TGFB2: variants seen among roughly 807,000 people sequenced by gnomAD.
TGFB2 encodes the protein transforming growth factor beta-2 proprotein.
TGFB2 carries 13 observed loss-of-function variants against 42.7 expected under a neutral mutation model. That is an observed-to-expected ratio of 0.30 (90% CI 0.20 to 0.48). The LOEUF (loss-of-function observed/expected upper bound fraction) is 0.48, where lower values mean the gene tolerates loss of function less well. TGFB2 is among the 20% of genes least tolerant of loss of function. TGFB2 has a pLI of 0.99. For missense variants in TGFB2, 390 were observed against 517.5 expected, an observed-to-expected ratio of 0.75 and a Z score of 2.39; for synonymous variants, 193 against 193.6, an observed-to-expected ratio of 1.00 and a Z score of 0.03.
At chr1:218,433,983 A>G in intron 2 of TGFB2, 99 bp from the exon 3 acceptor site, 2 of 1,504,350 alleles carry the variant, frequency 1.3e-6, no homozygotes, top group South Asian at 2.5e-5. Flanking sequence ...CAGTAGAGCT[A>G]AATTTAGGTA....
At chr1:218,421,653 T>TA (rs147702639) in intron 2 of TGFB2, among the ~76,000 whole-genome samples, 2 of 151,880 alleles carry the variant, frequency 1.3e-5, no homozygotes, top group Non-Finnish European at 2.9e-5. Flanking sequence ...CCCCTACACA[T>TA]AAAAAAAAGA....
intron 1 of TGFB2, among the ~76,000 whole-genome samples, chr1:218,382,369 A>C (rs1657993629): frequency 6.6e-6 from 1 of 152,170 alleles, no homozygotes; most frequent in African/African-American, 2.4e-5. Context: ...GAAAATTATA[A>C]AAGCAAAGGT....
intron 4 of TGFB2, 45 bp from the exon 5 acceptor site, chr1:218,435,925 T>G (rs1162865277): frequency 3.2e-6 from 5 of 1,548,972 alleles, no homozygotes; most frequent in Non-Finnish European, 4.4e-6. Context: ...CTATATTTGA[T>G]GAAGGTGAAG....
At chr1:218,429,137 C>A (rs923136995) in intron 2 of TGFB2, among the ~76,000 whole-genome samples, 1 of 151,998 alleles carries the variant, frequency 6.6e-6, no homozygotes, top group Non-Finnish European at 1.5e-5. Flanking sequence ...TGTGCCACAA[C>A]ACCCAGCTAA....
At chr1:218,418,534 A>G (rs910588091) in intron 2 of TGFB2, among the ~76,000 whole-genome samples, 4 of 152,184 alleles carry the variant, frequency 2.6e-5, no homozygotes, top group Non-Finnish European at 5.9e-5. Flanking sequence ...GTTAATGCTG[A>G]AATGAGTTAA....
At chr1:218,387,630 G>A (rs17047759) in intron 1 of TGFB2, among the ~76,000 whole-genome samples, 1 of 151,974 alleles carries the variant, frequency 6.6e-6, no homozygotes, top group Non-Finnish European at 1.5e-5. Flanking sequence ...GAGATCTACA[G>A]AGAAATCAGT....
At chr1:218,352,581 T>G (rs1232058989) in intron 1 of TGFB2, among the ~76,000 whole-genome samples, 1 of 152,220 alleles carries the variant, frequency 6.6e-6, no homozygotes, top group Admixed American at 6.5e-5. Flanking sequence ...TAAATTTGCA[T>G]CATGCTACAA....
At chr1:218,348,852 T>C (rs1656779391) in intron 1 of TGFB2, among the ~76,000 whole-genome samples, 1 of 152,232 alleles carries the variant, frequency 6.6e-6, no homozygotes, top group Non-Finnish European at 1.5e-5. Context: ...AAAGGTCTAA[T>C]AAACTGCCAG....
intron 1 of TGFB2, among the ~76,000 whole-genome samples, chr1:218,349,320 GA>G (rs1656794382): frequency 6.6e-6 from 1 of 151,790 alleles, no homozygotes; most frequent in Non-Finnish European, 1.5e-5. Flanking sequence ...AGTTATACTG[GA>G]ATATAGCAAA....
At chr1:218,416,746 T>C (rs559596875) in intron 2 of TGFB2, among the ~76,000 whole-genome samples, 14 of 152,284 alleles carry the variant, frequency 9.2e-5, no homozygotes, top group Non-Finnish European at 1.6e-4. Flanking sequence ...AATCTCATCT[T>C]GAATTCAAAT....
chr1:218,371,231 T>C (rs551255147), intron 1 of TGFB2, among the ~76,000 whole-genome samples: 1 of 151,970 alleles, frequency 6.6e-6, no homozygotes, highest in Admixed American at 6.6e-5. Flanking sequence ...ATCCCGGGAG[T>C]TGGAAGGTGC....
At chr1:218,383,667 T>C (rs1658036363) in intron 1 of TGFB2, among the ~76,000 whole-genome samples, 1 of 152,212 alleles carries the variant, frequency 6.6e-6, no homozygotes, top group Non-Finnish European at 1.5e-5. Context: ...CCATACTGTT[T>C]GTGAGTTTTT....
At chr1:218,428,019 T>G (rs1659681971) in intron 2 of TGFB2, among the ~76,000 whole-genome samples, 1 of 152,174 alleles carries the variant, frequency 6.6e-6, no homozygotes, top group Non-Finnish European at 1.5e-5. Flanking sequence ...TTTTAATGAC[T>G]GCCATTCTAA....
intron 2 of TGFB2, among the ~76,000 whole-genome samples, chr1:218,420,270 C>T (rs1015512248): frequency 5.9e-5 from 9 of 152,206 alleles, no homozygotes; most frequent in Non-Finnish European, 8.8e-5. Context: ...AAGAAAAAGA[C>T]AGTACAGTCT....
intron 1 of TGFB2, among the ~76,000 whole-genome samples, chr1:218,370,060 A>G (rs931906094): frequency 1.3e-5 from 2 of 152,224 alleles, no homozygotes; most frequent in East Asian, 3.8e-4. Flanking sequence ...AAAACTGCAT[A>G]GATCCTGTCC....
intron 2 of TGFB2, among the ~76,000 whole-genome samples, chr1:218,429,566 G>T (rs192471267): frequency 2.0e-5 from 3 of 152,230 alleles, no homozygotes; most frequent in African/African-American, 4.8e-5. Context: ...TGATGTATAA[G>T]TATTGCTTGA....
At chr1:218,407,029 G>A (rs1658936809) in intron 2 of TGFB2, among the ~76,000 whole-genome samples, 1 of 152,118 alleles carries the variant, frequency 6.6e-6, no homozygotes, top group South Asian at 2.1e-4. Flanking sequence ...TATGAAAATA[G>A]AGAACTACCA....
At chr1:218,359,888 T>C (rs1040808106) in intron 1 of TGFB2, among the ~76,000 whole-genome samples, 5 of 152,212 alleles carry the variant, frequency 3.3e-5, no homozygotes, top group African/African-American at 1.2e-4. Context: ...GCTTTATCTC[T>C]ATCCTATAGA....
At chr1:218,390,771 A>G (rs537591098) in intron 1 of TGFB2, among the ~76,000 whole-genome samples, 1 of 152,330 alleles carries the variant, frequency 6.6e-6, no homozygotes, top group Non-Finnish European at 1.5e-5. Context: ...CCTTGGCTCC[A>G]TTCCAGATCT....
Sources: allele counts gnomAD v4.1 joint callset (sites outside exome capture counted in the v4.1 genomes callset), GRCh38; gene constraint gnomAD v4.1.1; transcripts MANE v1.5; gene names NCBI Gene and HGNC (gene_info 2026-07-23, HGNC 2026-07-21).